The following NAAA variants were observed in gnomAD, a reference collection of about 807,000 sequenced individuals.
NAAA encodes N-acylethanolamine-hydrolyzing acid amidase.
Under a neutral mutation model 44.8 loss-of-function variants are expected in NAAA, and 39 were observed. That is an observed-to-expected ratio of 0.87 (90% confidence interval 0.67 to 1.14). The LOEUF (loss-of-function observed/expected upper bound fraction) is 1.14. Ranked by LOEUF, NAAA falls within the 50% of genes most tolerant of loss-of-function variation. The probability of loss-of-function intolerance (pLI) is 0.00; values close to 1 mark genes in which losing one functional copy is unlikely to be tolerated. For missense variants in NAAA, 460 were observed against 467.8 expected (o/e 0.98, Z 0.15); for synonymous variants, 178 against 191.3 (o/e 0.93, Z 0.58).
intron 4 of NAAA, among the ~76,000 whole-genome samples, chr4:75,928,052 G>A (rs1206820501): frequency 1.3e-5 from 2 of 152,176 alleles, no homozygotes; most frequent in Non-Finnish European, 2.9e-5. Flanking sequence ...ATACATGATT[G>A]TTAACTGTAC....
intron 3 of NAAA, among the ~76,000 whole-genome samples, chr4:75,931,890 GT>G (rs1378152930): frequency 6.6e-6 from 1 of 152,182 alleles, no homozygotes; most frequent in African/African-American, 2.4e-5. Flanking sequence ...CACAAAGCAG[GT>G]TAAGAAGCCC....
intron 1 of NAAA, 40 bp downstream of exon 1, chr4:75,940,704 G>A: frequency 6.4e-7 from 1 of 1,570,438 alleles, no homozygotes; most frequent in Non-Finnish European, 8.6e-7. Flanking sequence ...GACCCGCAGG[G>A]CCGGTGTCCC....
chr4:75,911,513 A>ATAAAAT (rs1251685967), downstream of NAAA, among the ~76,000 whole-genome samples: 1 of 152,138 alleles, frequency 6.6e-6, no homozygotes, highest in African/African-American at 2.4e-5. Flanking sequence ...CTGGGGGCTA[A>ATAAAAT]GGAAGGGGGT....
chr4:75,934,482 ATTT>A (rs373578792), intron 3 of NAAA, among the ~76,000 whole-genome samples: 85 of 135,578 alleles, frequency 6.3e-4, no homozygotes, highest in East Asian at 4.9e-3. Flanking sequence ...CGCCCAGCTA[ATTT>A]TTTTTTTTTT....
chr4:75,919,718 T>TCTGC, intron 8 of NAAA, 191 bp downstream of exon 8: 1 of 616,014 alleles, frequency 1.6e-6, no homozygotes, highest in South Asian at 2.0e-5. Context: ...GACCTCGTGA[T>TCTGC]CTGCCTGCCT....
At chr4:75,923,621 C>T (rs1042673256) in intron 5 of NAAA, among the ~76,000 whole-genome samples, 1 of 150,066 alleles carries the variant, frequency 6.7e-6, no homozygotes, top group Admixed American at 6.6e-5. Flanking sequence ...CTCACTGCAA[C>T]CTCTGCCTTC....
intron 3 of NAAA, among the ~76,000 whole-genome samples, chr4:75,933,075 C>T (rs1319262278): frequency 1.3e-5 from 2 of 149,214 alleles, no homozygotes; most frequent in Admixed American, 1.3e-4. Flanking sequence ...GTAGAGGTTG[C>T]CGTGAGCCAA....
intron 4 of NAAA, among the ~76,000 whole-genome samples, chr4:75,930,013 C>G (rs1040783493): frequency 6.6e-6 from 1 of 151,964 alleles, no homozygotes; most frequent in South Asian, 2.1e-4. Context: ...CGGCTGAGCC[C>G]GGGAGGCAGA....
chr4:75,923,068 T>C lies in NAAA; in HGVS notation c.667-1945A>G, dbSNP rs542683778. On this transcript the variant is annotated intron_variant, in intron 5 of 10. Transcript: ENST00000286733. Reference sequence around the variant, plus strand: ...TTAGTCTAGGTCCCAGAGTTTCTTTTGTTATTTCATTTATTTACTTCTTTC... The same window carrying C: ...TTAGTCTAGGTCCCAGAGTTTCTTTCGTTATTTCATTTATTTACTTCTTTC... Among the ~76,000 whole-genome samples the C allele has an allele frequency of 3.3e-5, 5 of 152,102 alleles. No individual in the cohort carries two copies. In the South Asian group the frequency reaches 8.3e-4, roughly 25 times the overall value.
downstream of NAAA, chr4:75,913,574 C>T (rs921567788): frequency 1.5e-6 from 1 of 669,406 alleles, no homozygotes; most frequent in Non-Finnish European, 1.8e-6. Context: ...AATAACATCA[C>T]AACTAAGAGA....
At chr4:75,926,350 C>T (rs984695099) in intron 4 of NAAA, among the ~76,000 whole-genome samples, 1 of 151,928 alleles carries the variant, frequency 6.6e-6, no homozygotes, top group African/African-American at 2.4e-5. Context: ...CCCCTGAGGT[C>T]AGGAGTTCGA....
intron 8 of NAAA, chr4:75,919,359 C>T (rs1725930542): frequency 6.6e-6 from 1 of 152,108 alleles, no homozygotes; most frequent in African/African-American, 2.4e-5. Flanking sequence ...TTAATTCTTT[C>T]TCTTTTTTTC....
At position 75,913,997 on chromosome 4, in the gene NAAA, T is replaced by C; in HGVS notation, c.*378A>G. 1 of 985,434 alleles carries C rather than the reference T, an allele frequency of 1.0e-6. No homozygotes were observed. The highest frequency in any genetic ancestry group is 4.7e-5 in the South Asian group (1 of 21,288). 61.0% of individuals were successfully genotyped at this position (985,434 alleles called of 1,614,324 possible). On this transcript the variant is annotated 3_prime_UTR_variant, in exon 11 of 11. Coordinates refer to ENST00000286733, the MANE Select transcript of NAAA (RefSeq NM_014435.4). ...CACAATGAACAGAGGTCTTGCCAGCTCATTTCATTAGCGGAGAAGCAAAGG... is the reference window on the plus strand; with the variant it reads ...CACAATGAACAGAGGTCTTGCCAGCCCATTTCATTAGCGGAGAAGCAAAGG...
intron 2 of NAAA, 30 bp from the exon 3 acceptor site, chr4:75,936,265 G>A: frequency 6.3e-7 from 1 of 1,582,998 alleles, no homozygotes; most frequent in Non-Finnish European, 8.6e-7. Flanking sequence ...CAACATGAAT[G>A]AATAAGACAA....
intron 4 of NAAA, chr4:75,930,343 G>A (rs1174872118): frequency 2.8e-5 from 11 of 392,520 alleles, no homozygotes; most frequent in South Asian, 2.2e-4. Flanking sequence ...CAGAGCAATT[G>A]GGTCAGGACC....
chr4:75,919,312 G>A (rs751782886), intron 8 of NAAA: 2 of 156,336 alleles, frequency 1.3e-5, no homozygotes, highest in Non-Finnish European at 2.8e-5. Context: ...AAAGTGCTGG[G>A]ATTATAGGTG....
Position 75,913,941 on chromosome 4 carries a change from C to A in NAAA, c.*434G>T. On this transcript the variant is annotated 3_prime_UTR_variant, in exon 11 of 11. Transcript: ENST00000286733. ...GAGTTCTCCATTTCTTTCAGATGAG[C>A]CTTTTTTCTTAGGCTCTTTCAGAAG... 1 of 985,366 alleles carries A rather than the reference C, an allele frequency of 1.0e-6. No individual in the cohort carries two copies. The highest frequency in any genetic ancestry group is 1.2e-6 in the Non-Finnish European group (1 of 829,916). The allele number at this position is 985,366 out of a possible 1,614,324, so 61.0% of individuals were successfully genotyped here.
intron 8 of NAAA, among the ~76,000 whole-genome samples, chr4:75,919,117 T>C (rs981005628): frequency 1.6e-4 from 24 of 152,166 alleles, no homozygotes; most frequent in Non-Finnish European, 2.6e-4. Flanking sequence ...TCTTGGTTCA[T>C]TGCAACCTCC....
rs545910747 is a variant in NAAA at position 75,921,690 on chromosome 4, G to A, written c.667-567C>T. Among the ~76,000 whole-genome samples, 23 of 152,296 alleles carry A rather than the reference G, an allele frequency of 1.5e-4. No homozygotes were observed. In the South Asian group the frequency reaches 2.9e-3, roughly 19 times the overall value. On this transcript the variant is annotated intron_variant, in intron 5 of 10. Transcript: ENST00000286733. ...GGAGGAGGTACTGCTGGGAAGCATC[G>A]CATGAATTGAAGCTAAAGAGACAAA...
Sources: allele counts gnomAD v4.1 joint callset (sites outside exome capture counted in the v4.1 genomes callset), GRCh38; gene constraint gnomAD v4.1.1; transcripts MANE v1.5; gene names NCBI Gene and HGNC (gene_info 2026-07-23, HGNC 2026-07-21).